KRT78: variants seen among roughly 807,000 people sequenced by gnomAD.
KRT78 encodes the protein keratin, type II cytoskeletal 78.
Under a neutral mutation model 51.4 loss-of-function variants are expected in KRT78, and 55 were observed. The ratio of observed to expected loss-of-function variants is 1.07; its 90% confidence interval spans 0.86 to 1.34. The LOEUF is 1.34. KRT78 is among the 40% of genes most tolerant of loss of function. The pLI is 0.00. For synonymous variants in KRT78, 291 were observed against 264.3 expected (o/e 1.10, Z -0.98); for missense variants, 652 against 649.4 (o/e 1.00, Z -0.04).
chr12:52,844,557 A>C lies in KRT78; in HGVS notation c.921+2T>G, dbSNP rs752305858. The C allele has an allele frequency of 1.2e-6, 2 of 1,611,884 alleles. No homozygotes were observed. Among genetic ancestry groups the C allele is most frequent in the East Asian group, 4.5e-5 (2 of 44,856 alleles). ...ATGGTGCTGCCCCCCAGGTCCCACC[A>C]CCTTGGTCTGGTACAAGGCCTCAGC... is the stretch of plus-strand genomic sequence containing the variant. On this transcript the variant is annotated splice_donor_variant, in intron 5 of 8. Transcript: ENST00000304620. LOFTEE classifies it high-confidence loss of function.
In KRT78 at chr12:52,839,994, G is replaced by T. The variant is rs1255739926; in HGVS notation, c.1048-10C>A. 1.9e-6 allele frequency: 3 copies of T among 1,604,748 alleles called. No homozygotes were observed. The highest frequency in any genetic ancestry group is 2.6e-6 in the Non-Finnish European group (3 of 1,172,298). ...CCTGCAGGCTGGCGTTCTGGAAGCG[G>T]GGTAGAAATGAGCGAGAAGGTGGTT... On this transcript the variant is annotated splice_polypyrimidine_tract_variant and intron_variant, in intron 6 of 8. Coordinates refer to ENST00000304620, the MANE Select transcript of KRT78 (RefSeq NM_173352.4).
intron 6 of KRT78, among the ~76,000 whole-genome samples, chr12:52,842,755 T>C (rs1053327713): frequency 6.6e-6 from 1 of 151,046 alleles, no homozygotes; most frequent in Non-Finnish European, 1.5e-5. Context: ...CTGTCTCTAC[T>C]AAAAATACAA....
rs1309976284 is a variant in KRT78 at position 52,838,530 on chromosome 12, A to C, written c.*583T>G. ...AGTCCCTTACCAGAGCCAGACAGAC[A>C]TAGCACCCAGGACAGCAACAGGTGC... On this transcript the variant is annotated 3_prime_UTR_variant, in exon 9 of 9. Transcript: ENST00000304620. 1 of 157,348 alleles carries C rather than the reference A, an allele frequency of 6.4e-6. No individual in the cohort carries two copies. Among genetic ancestry groups the C allele is most frequent in the African/African-American group, 2.4e-5 (1 of 41,470 alleles). 9.7% of individuals were successfully genotyped at this position (157,348 alleles called of 1,614,324 possible).
At position 52,838,874 on chromosome 12, in the gene KRT78, C is replaced by G; in HGVS notation, c.*239G>C. The stretch of plus-strand genomic sequence containing the variant: ...TAGAACACGTCTGGACACAGATATG[C>G]CACAATTGCCTTCCGAGGAGAGGAA... On this transcript the variant is annotated 3_prime_UTR_variant, in exon 9 of 9. Coordinates refer to ENST00000304620, the MANE Select transcript of KRT78 (RefSeq NM_173352.4). 1.7e-6 allele frequency: 1 copy of G among 574,810 alleles called. No homozygotes were observed. 35.6% of individuals were successfully genotyped at this position (574,810 alleles called of 1,614,324 possible).
At chr12:52,841,119 C>T (rs1223646115) in intron 6 of KRT78, among the ~76,000 whole-genome samples, 1 of 152,136 alleles carries the variant, frequency 6.6e-6, no homozygotes, top group Non-Finnish European at 1.5e-5. Flanking sequence ...TTTTTTCAGA[C>T]AGTCCCATTT....
In KRT78 at chr12:52,846,809, G is replaced by A; in HGVS notation, c.615C>T (p.Ala205=). The change falls in exon 3 of 9, where the codon GCC becomes GCT. Residue 205 remains alanine, a synonymous_variant. Coordinates refer to ENST00000304620, the MANE Select transcript of KRT78 (RefSeq NM_173352.4). Reference sequence around the variant, plus strand: ...CGTTCTCAAGTGTGGCACGCCTGTGGGCCTCCTCCTCATACCTGCCAAATA... The same window carrying A: ...CGTTCTCAAGTGTGGCACGCCTGTGAGCCTCCTCCTCATACCTGCCAAATA... ...EEYKSKYEEE[A]HRRATLENDF... is the part of the protein sequence containing the mutation. The A allele has an allele frequency of 6.2e-7, 1 of 1,613,676 alleles. No homozygotes were observed.
intron 6 of KRT78, 132 bp downstream of exon 6, chr12:52,843,961 G>A: frequency 9.2e-7 from 1 of 1,089,552 alleles, no homozygotes; most frequent in Non-Finnish European, 1.3e-6. Context: ...ATTATCCAAA[G>A]CTCCAGCCAG....
At position 52,848,158 on chromosome 12, in the gene KRT78, G is replaced by GGACTCCCTGTGC. The variant is rs746898494; in HGVS notation, c.385-49_385-38dup. On this transcript the variant is annotated intron_variant, in intron 1 of 8. Coordinates refer to ENST00000304620, the MANE Select transcript of KRT78 (RefSeq NM_173352.4). ...GCAGAGGATCCCTGAGGCTCCTGTG[G>GGACTCCCTGTGC]GACTCCCTGTGCACAGCCTCTGGAA... is the stretch of plus-strand genomic sequence containing the variant. 6 of 1,603,256 alleles carry GGACTCCCTGTGC rather than the reference G, an allele frequency of 3.7e-6. No homozygotes were observed. In the African/African-American group the frequency reaches 8.0e-5, roughly 21 times the overall value.
chr12:52,848,983 G>A lies in KRT78; in HGVS notation c.-53C>T, dbSNP rs114678894. The A allele has an allele frequency of 9.6e-4, 1,433 of 1,497,612 alleles. 16 individuals are homozygous for A. In the African/African-American group the frequency reaches 0.018, roughly 18 times the overall value. 92.8% of individuals were successfully genotyped at this position (1,497,612 alleles called of 1,614,324 possible). A position where few individuals can be genotyped will look rare whatever the true frequency, so the allele number is the denominator to read the frequency against. The stretch of plus-strand genomic sequence containing the variant: ...AGACGGACAGACAGATTGTCAAGGT[G>A]TGTGAGTTTCTGCCCTGGGGCCCCA... On this transcript the variant is annotated 5_prime_UTR_variant, in exon 1 of 9. Coordinates refer to ENST00000304620, the MANE Select transcript of KRT78 (RefSeq NM_173352.4).
chr12:52,841,107 A>G (rs761381493), intron 6 of KRT78, among the ~76,000 whole-genome samples: 1 of 151,880 alleles, frequency 6.6e-6, no homozygotes, highest in Non-Finnish European at 1.5e-5. Context: ...AATGGTTCTC[A>G]TTTTTTTCAG....
At chr12:52,842,785 G>A (rs947367701) in intron 6 of KRT78, among the ~76,000 whole-genome samples, 3 of 151,386 alleles carry the variant, frequency 2.0e-5, no homozygotes, top group Non-Finnish European at 2.9e-5. Flanking sequence ...GGGTGTGGTG[G>A]CAGGCACCTG....
rs376292500 is a variant in KRT78, at chr12:52,846,778, C to A, written c.646G>T (p.Val216Leu). The change falls in exon 3 of 9, where the codon GTG becomes TTG. Residue 216 changes from valine (V) to leucine (L), a missense_variant. Val to Leu is a conservative substitution (Grantham distance 32, BLOSUM62 1). Coordinates refer to ENST00000304620, the MANE Select transcript of KRT78 (RefSeq NM_173352.4). ...HRRATLENDF[V>L]VLKKDVDGVF... is the part of the protein sequence containing the mutation. ...CCCACCCTCACCTTCTTGAGGACCACAAAGTCGTTCTCAAGTGTGGCACGC... is the reference window on the plus strand; with the variant it reads ...CCCACCCTCACCTTCTTGAGGACCAAAAAGTCGTTCTCAAGTGTGGCACGC... 2.5e-6 allele frequency: 4 copies of A among 1,613,814 alleles called. No homozygotes were observed. The highest frequency in any genetic ancestry group is 3.4e-6 in the Non-Finnish European group (4 of 1,179,914).
In KRT78 at chr12:52,838,924, T is replaced by G; in HGVS notation, c.*189A>C. On this transcript the variant is annotated 3_prime_UTR_variant, in exon 9 of 9. Transcript: ENST00000304620. ...AGCTGGGGAGCCACACAGCTTTTGTTTTGCTGGGTGAGGTGTGCAAGCACT... is the reference window on the plus strand; with the variant it reads ...AGCTGGGGAGCCACACAGCTTTTGTGTTGCTGGGTGAGGTGTGCAAGCACT... 1 of 666,450 alleles carries G rather than the reference T, an allele frequency of 1.5e-6. No individual in the cohort carries two copies. Among genetic ancestry groups the G allele is most frequent in the Non-Finnish European group, 2.5e-6 (1 of 398,770 alleles). 41.3% of individuals were successfully genotyped at this position (666,450 alleles called of 1,614,324 possible).
chr12:52,842,965 GGA>G (rs1565698748), intron 6 of KRT78, among the ~76,000 whole-genome samples: 39 of 53,782 alleles, frequency 7.3e-4, no homozygotes, highest in African/African-American at 3.9e-3. Context: ...GAGAGAGGAA[GGA>G]AGGAAGGAAG....
intron 2 of KRT78, 60 bp from the exon 3 acceptor site, chr12:52,846,884 A>C: frequency 1.6e-6 from 2 of 1,270,204 alleles, no homozygotes; most frequent in Non-Finnish European, 2.3e-6. Context: ...TCATGCCCCC[A>C]TGTCCGAGCA....
intron 4 of KRT78, 159 bp downstream of exon 4, chr12:52,846,038 T>C (rs1402376341): frequency 3.3e-6 from 2 of 603,834 alleles, no homozygotes; most frequent in African/African-American, 1.9e-5. Flanking sequence ...GCAATTCACA[T>C]AGTAAGTTTT....
chr12:52,839,489 TA>T lies in KRT78; in HGVS notation c.1269-3del, dbSNP rs1940430097. ...TGGCTGGTGCACTCCCCAGACATCCTAGGGGGAAAAGGACAAGAGGGGGATG... is the reference window on the plus strand; with the variant it reads ...TGGCTGGTGCACTCCCCAGACATCCTGGGGGAAAAGGACAAGAGGGGGATG... On this transcript the variant is annotated splice_polypyrimidine_tract_variant and splice_region_variant and intron_variant, in intron 7 of 8. Transcript: ENST00000304620. 1 of 1,591,532 alleles carries T rather than the reference TA, an allele frequency of 6.3e-7. No individual in the cohort carries two copies. Among genetic ancestry groups the T allele is most frequent in the Non-Finnish European group, 8.6e-7 (1 of 1,169,304 alleles).
rs558933505 is a variant in KRT78 at position 52,848,260 on chromosome 12, A to T, written c.385-139T>A. ...GCCCAACCTGGGCAGGGGAAGCCTC[A>T]TGACCTTCCATGACACTCTGAACAC... On this transcript the variant is annotated intron_variant, in intron 1 of 8. Transcript: ENST00000304620. 1.6e-4 allele frequency: 242 copies of T among 1,540,226 alleles called. 1 individual carries two copies. In the South Asian group the frequency reaches 2.0e-3, roughly 13 times the overall value.
rs1940708503 is a variant in KRT78 at position 52,848,756 on chromosome 12, CT to C, written c.174del (p.Gly60ValfsTer27). 4 of 1,611,666 alleles carry C rather than the reference CT, an allele frequency of 2.5e-6. No individual in the cohort carries two copies. The highest frequency in any genetic ancestry group is 3.4e-6 in the Non-Finnish European group (4 of 1,178,850). ...CCAAACCGCACCCCCAGCCTACCCC[CT>C]GACCCCCAGGTACTCCCACGAGAGC... ...LEGSRGSTWGSGGRLGVRFGE... is the reference protein window; with the variant it reads ...LEGSRGSTWGXGGRLGVRFGE... On this transcript the variant is annotated frameshift_variant, in exon 1 of 9. Coordinates refer to ENST00000304620, the MANE Select transcript of KRT78 (RefSeq NM_173352.4). LOFTEE classifies it high-confidence loss of function.
Sources: gnomAD v4.1 joint callset for allele counts (sites outside exome capture counted in the v4.1 genomes callset) on GRCh38, gnomAD v4.1.1 for gene constraint, MANE v1.5 for transcripts, NCBI Gene and HGNC (gene_info 2026-07-23, HGNC 2026-07-21) for gene names.